Variants in BACH2 observed in about 807,000 individuals in gnomAD.
BACH2 encodes the protein BACH transcriptional regulator 2, also known as transcription regulator protein BACH2.
Under a neutral mutation model 61.8 loss-of-function variants are expected in BACH2, and 5 were observed. That is an observed-to-expected ratio of 0.08 (90% CI 0.04 to 0.17). BACH2 has a LOEUF of 0.17. Ranked by LOEUF, BACH2 falls within the 10% of genes least tolerant of loss-of-function variation. The pLI is 1.00. For synonymous variants in BACH2, 446 were observed against 440.1 expected (o/e 1.01, Z -0.17); for missense variants, 824 against 1,091.1 (o/e 0.76, Z 3.45).
intron 4 of BACH2, among the ~76,000 whole-genome samples, chr6:90,182,922 G>A (rs1768218051): frequency 6.6e-6 from 1 of 152,086 alleles, no homozygotes; most frequent in Non-Finnish European, 1.5e-5. Context: ...AGATTCAGGG[G>A]GCGCATGTGC....
intron 3 of BACH2, among the ~76,000 whole-genome samples, chr6:90,210,309 AACAACAC>A (rs1345199340): frequency 9.1e-6 from 1 of 110,324 alleles, no homozygotes. Flanking sequence ...CACACCCCAA[AACAACAC>A]ACACACACAC....
At chr6:90,125,648 T>C (rs1783818285) in intron 4 of BACH2, among the ~76,000 whole-genome samples, 1 of 152,238 alleles carries the variant, frequency 6.6e-6, no homozygotes, top group South Asian at 2.1e-4. Flanking sequence ...AGATGCTGTG[T>C]ACTGGTTGAC....
chr6:89,934,544 A>G (rs546980924), intron 8 of BACH2, among the ~76,000 whole-genome samples: 1 of 152,246 alleles, frequency 6.6e-6, no homozygotes, highest in East Asian at 1.9e-4. Context: ...TTATAATCCC[A>G]GCTACTTAGG....
At chr6:90,154,751 T>A (rs1004874208) in intron 4 of BACH2, among the ~76,000 whole-genome samples, 2 of 152,240 alleles carry the variant, frequency 1.3e-5, no homozygotes, top group Non-Finnish European at 2.9e-5. Flanking sequence ...GCCCTAGTTC[T>A]AGCCTGCCTT....
At chr6:90,062,344 T>C (rs765330641) in intron 5 of BACH2, among the ~76,000 whole-genome samples, 5 of 152,186 alleles carry the variant, frequency 3.3e-5, no homozygotes, top group Non-Finnish European at 5.9e-5. Context: ...AAAGAATATA[T>C]CTGATAATTA....
At chr6:90,017,251 TTTC>T (rs1778117886) in intron 5 of BACH2, among the ~76,000 whole-genome samples, 1 of 152,044 alleles carries the variant, frequency 6.6e-6, no homozygotes. Context: ...TTTCTTTTCT[TTTC>T]TTTTTTTTGA....
chr6:90,146,559 T>C (rs1458901637), intron 4 of BACH2, among the ~76,000 whole-genome samples: 1 of 152,224 alleles, frequency 6.6e-6, no homozygotes, highest in East Asian at 1.9e-4. Context: ...TGGTCAACTC[T>C]TCCAAGACCT....
intron 6 of BACH2, among the ~76,000 whole-genome samples, chr6:90,002,557 G>T (rs1015436810): frequency 1.3e-5 from 2 of 152,180 alleles, no homozygotes; most frequent in African/African-American, 4.8e-5. Flanking sequence ...ATCACTTGAG[G>T]TCAGGAGTTC....
At chr6:90,187,365 A>G (rs960547160) in intron 4 of BACH2, among the ~76,000 whole-genome samples, 1 of 152,240 alleles carries the variant, frequency 6.6e-6, no homozygotes, top group Non-Finnish European at 1.5e-5. Context: ...TTACTATGGT[A>G]CACGAATATA....
chr6:90,211,123 T>A (rs1334501034), intron 3 of BACH2, among the ~76,000 whole-genome samples: 2 of 35,646 alleles, frequency 5.6e-5, no homozygotes, highest in South Asian at 1.0e-3. Context: ...GGAGACTCCA[T>A]CTCAAAAAAA....
chr6:89,952,574 C>T (rs11965495), intron 6 of BACH2, among the ~76,000 whole-genome samples: 6,713 of 152,258 alleles, frequency 0.044, 252 homozygotes, highest in East Asian at 0.19. Flanking sequence ...CAGAGTTAAA[C>T]AAACCGGCTC....
intron 3 of BACH2, among the ~76,000 whole-genome samples, chr6:90,225,773 T>A (rs149159836): frequency 2.6e-5 from 4 of 152,202 alleles, no homozygotes; most frequent in African/African-American, 9.6e-5. Flanking sequence ...CTTAAATAAA[T>A]AAAAATTGGA....
intron 4 of BACH2, among the ~76,000 whole-genome samples, chr6:90,128,551 A>C (rs1346708776): frequency 6.6e-6 from 1 of 152,220 alleles, no homozygotes; most frequent in African/African-American, 2.4e-5. Context: ...ACTGCACTCC[A>C]GCCTGGTGGC....
intron 7 of BACH2, among the ~76,000 whole-genome samples, chr6:89,943,626 C>T (rs1407475236): frequency 6.6e-6 from 1 of 152,120 alleles, no homozygotes; most frequent in Non-Finnish European, 1.5e-5. Context: ...CTATCTCACC[C>T]AACAAACATT....
chr6:90,213,994 C>A (rs1391992464), intron 3 of BACH2, among the ~76,000 whole-genome samples: 1 of 152,164 alleles, frequency 6.6e-6, no homozygotes, highest in African/African-American at 2.4e-5. Flanking sequence ...GCATGGCACA[C>A]TTTTAGGTCA....
At chr6:90,296,252 CGGCGCGGCGCG>C (rs1340284051) in intron 1 of BACH2, among the ~76,000 whole-genome samples, 1 of 151,954 alleles carries the variant, frequency 6.6e-6, no homozygotes, top group Non-Finnish European at 1.5e-5. Flanking sequence ...AGCACACATT[CGGCGCGGCGCG>C]GCCGCCGGCT....
intron 4 of BACH2, among the ~76,000 whole-genome samples, chr6:90,110,506 T>C (rs1783122259): frequency 6.6e-6 from 1 of 152,216 alleles, no homozygotes; most frequent in African/African-American, 2.4e-5. Flanking sequence ...TTCTCCACAT[T>C]CATTAATATC....
chr6:90,284,440 T>C (rs1184705183), intron 1 of BACH2, among the ~76,000 whole-genome samples: 1 of 152,168 alleles, frequency 6.6e-6, no homozygotes, highest in African/African-American at 2.4e-5. Flanking sequence ...TGGGGCTACT[T>C]AGCAATACCA....
At chr6:90,262,341 A>ACAGCGATGACTTTTT (rs1771186929) in intron 2 of BACH2, among the ~76,000 whole-genome samples, 1 of 152,174 alleles carries the variant, frequency 6.6e-6, no homozygotes, top group Non-Finnish European at 1.5e-5. Context: ...ATTCATTTGT[A>ACAGCGATGACTTTTT]CAGCGATGAC....
Sources: gnomAD v4.1 joint callset for allele counts (sites outside exome capture counted in the v4.1 genomes callset) on GRCh38, gnomAD v4.1.1 for gene constraint, MANE v1.5 for transcripts, NCBI Gene and HGNC (gene_info 2026-07-23, HGNC 2026-07-21) for gene names.